DENND1A: variants seen among roughly 807,000 people sequenced by gnomAD.
The protein encoded by DENND1A is DENN domain containing 1A.
Under a neutral mutation model 113.7 loss-of-function variants are expected in DENND1A, and 51 were observed. The ratio of observed to expected loss-of-function variants is 0.45; its 90% confidence interval spans 0.36 to 0.57. The LOEUF (loss-of-function observed/expected upper bound fraction) is 0.57, where lower values mean the gene tolerates loss of function less well. Ranked by LOEUF, DENND1A falls within the 20% of genes least tolerant of loss-of-function variation. The pLI, the probability that DENND1A is intolerant of heterozygous loss-of-function variation, is 0.00. For synonymous variants in DENND1A, 565 were observed against 570.8 expected (o/e 0.99, Z 0.14); for missense variants, 1,258 against 1,395.9 (o/e 0.90, Z 1.57).
At chr9:123,618,577 G>A (rs186187276) in intron 10 of DENND1A, among the ~76,000 whole-genome samples, 29 of 152,318 alleles carry the variant, frequency 1.9e-4, no homozygotes, top group Admixed American at 1.8e-3. Flanking sequence ...AGGTGGGAGC[G>A]GCAGGGCAGG....
At chr9:123,855,968 C>T (rs1373696403) in intron 2 of DENND1A, among the ~76,000 whole-genome samples, 2 of 152,018 alleles carry the variant, frequency 1.3e-5, no homozygotes, top group East Asian at 1.9e-4. Flanking sequence ...ACCCGGGAGG[C>T]GGAGGTTGCA....
At chr9:123,518,176 T>A (rs2054097246) in intron 13 of DENND1A, among the ~76,000 whole-genome samples, 1 of 152,144 alleles carries the variant, frequency 6.6e-6, no homozygotes. Flanking sequence ...TAAGTAGGAA[T>A]ATTCAAAGGC....
chr9:123,482,418 A>C (rs1164321460), intron 13 of DENND1A, among the ~76,000 whole-genome samples: 1 of 152,162 alleles, frequency 6.6e-6, no homozygotes, highest in Non-Finnish European at 1.5e-5. Context: ...ATTTTTTAAC[A>C]CAAACACACA....
At chr9:123,553,620 A>T (rs541979971) in intron 13 of DENND1A, among the ~76,000 whole-genome samples, 2 of 152,352 alleles carry the variant, frequency 1.3e-5, no homozygotes, top group Non-Finnish European at 2.9e-5. Context: ...CCTAGAAGGA[A>T]GTTAAAAAAC....
chr9:123,747,760 C>T (rs765450556), intron 5 of DENND1A, among the ~76,000 whole-genome samples: 1 of 152,144 alleles, frequency 6.6e-6, no homozygotes, highest in Non-Finnish European at 1.5e-5. Context: ...TTACAATTTG[C>T]ATTTTACAAC....
Position 123,557,556 on chromosome 9 carries a change from C to A in DENND1A, c.993+14G>T. The A allele has an allele frequency of 6.2e-7, 1 of 1,613,100 alleles. No individual in the cohort carries two copies. Among genetic ancestry groups the A allele is most frequent in the Non-Finnish European group, 8.5e-7 (1 of 1,179,620 alleles). On this transcript the variant is annotated intron_variant, in intron 13 of 23. Transcript: ENST00000394215. ...GACCAAACACAGGCTCTGTGACATG[C>A]CAAGGCTACTCACCGGCTCGATTTT... is the stretch of plus-strand genomic sequence containing the variant.
chr9:123,837,552 G>A (rs1232469998), intron 2 of DENND1A, among the ~76,000 whole-genome samples: 2 of 152,114 alleles, frequency 1.3e-5, no homozygotes, highest in South Asian at 4.1e-4. Flanking sequence ...GATAAGGTAT[G>A]AATAAAAACG....
intron 2 of DENND1A, among the ~76,000 whole-genome samples, chr9:123,795,792 C>T: frequency 6.6e-6 from 1 of 152,178 alleles, no homozygotes; most frequent in East Asian, 1.9e-4. Flanking sequence ...AGTTCATCAT[C>T]AAATGCAGTG....
intron 1 of DENND1A, among the ~76,000 whole-genome samples, chr9:123,910,721 T>C (rs781104970): frequency 6.6e-6 from 1 of 152,112 alleles, no homozygotes; most frequent in Non-Finnish European, 1.5e-5. Flanking sequence ...AGGCAGATCA[T>C]TTGAGGTCAG....
intron 5 of DENND1A, among the ~76,000 whole-genome samples, chr9:123,729,787 G>C (rs546737112): frequency 6.6e-6 from 1 of 152,174 alleles, no homozygotes. Flanking sequence ...CCAAAAAAGA[G>C]CCTGCATAGC....
chr9:123,600,402 G>A (rs113833411), intron 11 of DENND1A, among the ~76,000 whole-genome samples: 3 of 152,074 alleles, frequency 2.0e-5, no homozygotes, highest in Admixed American at 1.3e-4. Context: ...TACCAGTGAG[G>A]AGTCTGGGGC....
intron 2 of DENND1A, among the ~76,000 whole-genome samples, chr9:123,863,967 C>G (rs566832322): frequency 6.8e-6 from 1 of 147,492 alleles, no homozygotes; most frequent in African/African-American, 2.5e-5. Flanking sequence ...AATATATTAA[C>G]AAAACTCCAT....
At chr9:123,825,608 T>C (rs962834130) in intron 2 of DENND1A, among the ~76,000 whole-genome samples, 1 of 152,216 alleles carries the variant, frequency 6.6e-6, no homozygotes, top group Non-Finnish European at 1.5e-5. Context: ...TAAGACCCCA[T>C]CTACCGTAAG....
chr9:123,883,493 A>G (rs1010196644), intron 1 of DENND1A, among the ~76,000 whole-genome samples: 2 of 152,210 alleles, frequency 1.3e-5, no homozygotes, highest in Admixed American at 6.5e-5. Context: ...TCCCATCCCC[A>G]GAGTGTCTCA....
intron 3 of DENND1A, among the ~76,000 whole-genome samples, chr9:123,774,833 T>C (rs1830237703): frequency 6.6e-6 from 1 of 152,174 alleles, no homozygotes; most frequent in Non-Finnish European, 1.5e-5. Flanking sequence ...AAATTCATCA[T>C]ACTCTATAAA....
At chr9:123,750,274 C>T (rs1259158893) in intron 5 of DENND1A, among the ~76,000 whole-genome samples, 1 of 152,190 alleles carries the variant, frequency 6.6e-6, no homozygotes, top group Non-Finnish European at 1.5e-5. Context: ...AGTTGTGGCT[C>T]CCCAGAGGAT....
At chr9:123,785,125 A>C (rs1831926438) in intron 3 of DENND1A, among the ~76,000 whole-genome samples, 1 of 152,084 alleles carries the variant, frequency 6.6e-6, no homozygotes, top group Admixed American at 6.6e-5. Context: ...GGATTGCTTG[A>C]GGCCAGGAGT....
chr9:123,389,390 G>A (rs572249857), intron 21 of DENND1A, among the ~76,000 whole-genome samples: 16 of 152,350 alleles, frequency 1.1e-4, no homozygotes, highest in African/African-American at 3.8e-4. Flanking sequence ...CTGCCTTGCT[G>A]GCTGTCGGGG....
chr9:123,571,036 T>C (rs2058330111), intron 12 of DENND1A, among the ~76,000 whole-genome samples: 1 of 152,140 alleles, frequency 6.6e-6, no homozygotes, highest in Admixed American at 6.6e-5. Context: ...GCAACTTTCA[T>C]GGAACATAGC....
Sources: allele counts gnomAD v4.1 joint callset (sites outside exome capture counted in the v4.1 genomes callset), GRCh38; gene constraint gnomAD v4.1.1; transcripts MANE v1.5; gene names NCBI Gene and HGNC (gene_info 2026-07-23, HGNC 2026-07-21).